GCNT4: variants seen among roughly 807,000 people sequenced by gnomAD.
The protein encoded by GCNT4 is glucosaminyl (N-acetyl) transferase 4, also known as beta-1,3-galactosyl-O-glycosyl-glycoprotein beta-1,6-N-acetylglucosaminyltransferase 4.
GCNT4 carries 17 observed loss-of-function variants against 31.3 expected under a neutral mutation model. The ratio of observed to expected loss-of-function variants is 0.54; its 90% confidence interval spans 0.37 to 0.81. The LOEUF is 0.81. Ranked by LOEUF, GCNT4 falls within the 40% of genes least tolerant of loss-of-function variation. The probability of loss-of-function intolerance (pLI) is 0.00; values close to 1 mark genes in which losing one functional copy is unlikely to be tolerated. For missense variants in GCNT4, 503 were observed against 525.5 expected (o/e 0.96, Z 0.42); for synonymous variants, 158 against 190.6 (o/e 0.83, Z 1.41).
chr5:75,045,866 A>G (rs1285131235), intron 3 of GCNT4, among the ~76,000 whole-genome samples: 1 of 152,218 alleles, frequency 6.6e-6, no homozygotes, highest in Non-Finnish European at 1.5e-5. Flanking sequence ...TTATTTTGTC[A>G]CATTTGAATT....
rs1303558307 is a variant in GCNT4, at chr5:75,027,337, A to ATAATAAT, written c.*1338_*1339insATTATTA. The ATAATAAT allele has an allele frequency of 4.2e-5, 2 of 48,006 alleles. No homozygotes were observed. The highest frequency in any genetic ancestry group is 7.7e-5 in the Non-Finnish European group (2 of 25,822). 3.0% of individuals were successfully genotyped at this position (48,006 alleles called of 1,614,324 possible). A position where few individuals can be genotyped will look rare whatever the true frequency, so the allele number is the denominator to read the frequency against. On this transcript the variant is annotated 3_prime_UTR_variant, in exon 4 of 4. Coordinates refer to ENST00000652361, the MANE Select transcript of GCNT4 (RefSeq NM_001366737.1). Reference sequence around the variant, plus strand: ...GTATATATAATATATATTCATATACAATATATGTATATATAATATATATAT... The same window carrying ATAATAAT: ...GTATATATAATATATATTCATATACATAATAATATATATGTATATATAATATATATAT...
intron 3 of GCNT4, among the ~76,000 whole-genome samples, chr5:75,036,319 G>A (rs906259142): frequency 2.0e-5 from 3 of 152,078 alleles, no homozygotes; most frequent in Admixed American, 6.5e-5. Context: ...TCAAGAGATC[G>A]ATGAGGTAGG....
At chr5:75,052,060 GC>G (rs1743582839) in intron 2 of GCNT4, 108 bp downstream of exon 2, 7 of 152,040 alleles carry the variant, frequency 4.6e-5, no homozygotes. Context: ...ATCAACAAAA[GC>G]TGTCAGAATG....
intron 3 of GCNT4, among the ~76,000 whole-genome samples, chr5:75,031,932 T>A (rs1252027327): frequency 6.6e-6 from 1 of 152,126 alleles, no homozygotes; most frequent in East Asian, 1.9e-4. Flanking sequence ...CATATCTCAA[T>A]AAACCTTAAA....
At chr5:75,030,312 T>C in intron 3 of GCNT4, 1 of 383,894 alleles carries the variant, frequency 2.6e-6, no homozygotes, top group Non-Finnish European at 4.9e-6. Context: ...AAAATATAAA[T>C]ATAGTGTGTC....
intron 3 of GCNT4, among the ~76,000 whole-genome samples, chr5:75,044,748 AACC>A (rs1743397197): frequency 6.6e-6 from 1 of 152,180 alleles, no homozygotes; most frequent in East Asian, 1.9e-4. Context: ...CTGGTACAGA[AACC>A]ACATCAAAGG....
At chr5:75,038,178 G>A (rs1321215374) in intron 3 of GCNT4, among the ~76,000 whole-genome samples, 1 of 152,000 alleles carries the variant, frequency 6.6e-6, no homozygotes, top group Non-Finnish European at 1.5e-5. Flanking sequence ...AACTGGGTCT[G>A]TAAATTATTA....
At chr5:75,053,034 G>C (rs974785804), upstream of GCNT4, among the ~76,000 whole-genome samples, 61 of 151,948 alleles carry the variant, frequency 4.0e-4, no homozygotes, top group African/African-American at 1.4e-3. Context: ...CAGCCTGGCG[G>C]CTCCACTCCG....
chr5:75,052,250 A>G (rs1057304504), intron 1 of GCNT4, 23 bp from the exon 2 acceptor site: 1 of 126,766 alleles, frequency 7.9e-6, no homozygotes, highest in South Asian at 2.6e-4. Context: ...AAGACAAAAA[A>G]AAAAAAAAAA....
chr5:75,036,439 CAG>C (rs1391940676), intron 3 of GCNT4, among the ~76,000 whole-genome samples: 5 of 152,340 alleles, frequency 3.3e-5, no homozygotes, highest in South Asian at 4.1e-4. Flanking sequence ...AACCTGAACT[CAG>C]AGAGTCTTGC....
chr5:75,024,486 A>T (rs1378044574), downstream of GCNT4, among the ~76,000 whole-genome samples: 1 of 152,160 alleles, frequency 6.6e-6, no homozygotes. Flanking sequence ...TTATGGGTTT[A>T]GAAATGGTGA....
chr5:75,039,148 A>T (rs75193993), intron 3 of GCNT4, among the ~76,000 whole-genome samples: 14,653 of 152,018 alleles, frequency 0.096, 828 homozygotes, highest in East Asian at 0.21. Flanking sequence ...GCAATGGCAC[A>T]ATCTCGGCTC....
At position 75,030,395 on chromosome 5, in the gene GCNT4, T is replaced by C. The variant is rs1183300179; in HGVS notation, c.-1-357A>G. 2.0e-5 allele frequency: 4 copies of C among 196,274 alleles called. 1 individual carries two copies. The highest frequency in any genetic ancestry group is 1.2e-4 in the South Asian group (1 of 8,144). The allele number at this position is 196,274 out of a possible 1,614,324, so 12.2% of individuals were successfully genotyped here. ...TGGTTTGGGCAGAGGTCTAGAGAAC[T>C]GGATGTCATCAACAGGGCCTCAGAG... On this transcript the variant is annotated intron_variant, in intron 3 of 3. Transcript: ENST00000652361.
upstream of GCNT4, among the ~76,000 whole-genome samples, chr5:75,053,852 G>T (rs568754415): frequency 6.8e-6 from 1 of 146,252 alleles, no homozygotes; most frequent in African/African-American, 2.4e-5. Context: ...CGTCATCCAC[G>T]TTCGGTTCCC....
At position 75,025,566 on chromosome 5, in the gene GCNT4, T is replaced by C. The variant is rs1420775083; in HGVS notation, c.*3110A>G. 1.3e-5 allele frequency: 2 copies of C among 152,230 alleles called. No homozygotes were observed. Among genetic ancestry groups the C allele is most frequent in the East Asian group, 1.9e-4 (1 of 5,206 alleles). 9.4% of individuals were successfully genotyped at this position (152,230 alleles called of 1,614,324 possible). A position where few individuals can be genotyped will look rare whatever the true frequency, so the allele number is the denominator to read the frequency against. On this transcript the variant is annotated 3_prime_UTR_variant, in exon 4 of 4. Coordinates refer to ENST00000652361, the MANE Select transcript of GCNT4 (RefSeq NM_001366737.1). ...TCATCATCAGTGCAAACAAAAATCA[T>C]TTATAATAACATACATATGAATACA... is the stretch of plus-strand genomic sequence containing the variant.
At position 75,029,479 on chromosome 5, in the gene GCNT4, A is replaced by G. The variant is rs779907613; in HGVS notation, c.559T>C (p.Phe187Leu). 6.2e-7 allele frequency: 1 copy of G among 1,614,094 alleles called. No homozygotes were observed. The highest frequency in any genetic ancestry group is 1.1e-5 in the South Asian group (1 of 91,070). Residue 187 changes from phenylalanine to leucine, a missense_variant, in exon 4 of 4, where the codon TTC becomes CTC. Phe to Leu is a conservative substitution (Grantham distance 22, BLOSUM62 0). Coordinates refer to ENST00000652361, the MANE Select transcript of GCNT4 (RefSeq NM_001366737.1). ...ACAGCCTCTAATTTGGAAGCAATGA[A>G]AATATTGGAGAAGCACTTAGCTAAA... ...NNLAKCFSNI[F>L]IASKLEAVEY...
chr5:75,036,304 T>G lies in GCNT4; in HGVS notation c.-1-6266A>C, dbSNP rs193230132. Among the ~76,000 whole-genome samples, 357 of 152,272 alleles carry G rather than the reference T, an allele frequency of 2.3e-3. 1 individual carries two copies. Among genetic ancestry groups the G allele is most frequent in the Non-Finnish European group, 4.1e-3 (280 of 68,020 alleles). On this transcript the variant is annotated intron_variant, in intron 3 of 3. Coordinates refer to ENST00000652361, the MANE Select transcript of GCNT4 (RefSeq NM_001366737.1). Reference sequence around the variant, plus strand: ...TCTAAGTACTCTAGATGTAATTCAATCCCCTCAAGAGATCGATGAGGTAGG... The same window carrying G: ...TCTAAGTACTCTAGATGTAATTCAAGCCCCTCAAGAGATCGATGAGGTAGG...
intron 3 of GCNT4, among the ~76,000 whole-genome samples, chr5:75,044,350 C>T (rs1329084572): frequency 4.0e-5 from 6 of 151,768 alleles, no homozygotes. Flanking sequence ...CTCCATGTTA[C>T]CTTCCTGCTT....
downstream of GCNT4, among the ~76,000 whole-genome samples, chr5:75,022,695 C>A (rs1402745933): frequency 1.3e-5 from 2 of 152,118 alleles, no homozygotes; most frequent in Non-Finnish European, 2.9e-5. Flanking sequence ...GGGATCATGT[C>A]CAGCTGTTAG....
Sources: gnomAD v4.1 joint callset for allele counts (sites outside exome capture counted in the v4.1 genomes callset) on GRCh38, gnomAD v4.1.1 for gene constraint, MANE v1.5 for transcripts, NCBI Gene and HGNC (gene_info 2026-07-23, HGNC 2026-07-21) for gene names.